PLXNA4: variants seen among roughly 807,000 people sequenced by gnomAD.
The protein encoded by PLXNA4 is plexin-A4.
In PLXNA4, 44 loss-of-function variants were observed where a neutral mutation model predicts 191.8. The ratio of observed to expected loss-of-function variants is 0.23; its 90% confidence interval spans 0.18 to 0.29. The LOEUF (loss-of-function observed/expected upper bound fraction) is 0.29, where lower values mean the gene tolerates loss of function less well. Ranked by LOEUF, PLXNA4 falls within the 10% of genes least tolerant of loss-of-function variation. The pLI is 1.00. For synonymous variants in PLXNA4, 1,082 were observed against 1,009.5 expected, an observed-to-expected ratio of 1.07 and a Z score of -1.36; for missense variants, 1,800 against 2,488.8, an observed-to-expected ratio of 0.72 and a Z score of 5.89.
intron 2 of PLXNA4, among the ~76,000 whole-genome samples, chr7:132,599,976 T>G (rs1488773566): frequency 6.6e-6 from 1 of 152,212 alleles, no homozygotes. Context: ...TACGATAAGT[T>G]ATGTTAATAG....
chr7:132,156,015 T>C (rs1795780224), intron 25 of PLXNA4, among the ~76,000 whole-genome samples: 1 of 152,088 alleles, frequency 6.6e-6, no homozygotes. Context: ...AACTGCAATG[T>C]TGCCTCCTCC....
At chr7:132,177,432 C>G (rs956790057) in intron 20 of PLXNA4, among the ~76,000 whole-genome samples, 1 of 152,232 alleles carries the variant, frequency 6.6e-6, no homozygotes, top group Non-Finnish European at 1.5e-5. Flanking sequence ...CAGTGGCTGG[C>G]TCTGGGCAAG....
chr7:132,230,031 G>T (rs1227394278), intron 5 of PLXNA4, among the ~76,000 whole-genome samples: 1 of 152,180 alleles, frequency 6.6e-6, no homozygotes, highest in East Asian at 1.9e-4. Context: ...AGGAACACAG[G>T]GACAGAACAA....
intron 3 of PLXNA4, among the ~76,000 whole-genome samples, chr7:132,364,824 G>A (rs1022536746): frequency 4.6e-5 from 7 of 152,172 alleles, no homozygotes; most frequent in Non-Finnish European, 7.3e-5. Context: ...CTTCTAGTGT[G>A]TGAATTTAGG....
rs559992129 is a variant in PLXNA4 at position 132,321,334 on chromosome 7, G to T, written c.1372-23112C>A. Among the ~76,000 whole-genome samples, 15 of 151,574 alleles carry T rather than the reference G, an allele frequency of 9.9e-5. No individual in the cohort carries two copies. In the South Asian group the frequency reaches 3.1e-3, roughly 32 times the overall value. Reference sequence around the variant, plus strand: ...GATGTGTGTGAATGTAAGATCTACAGTTACCCTAGCGTGTCTGTGTTCTAG... The same window carrying T: ...GATGTGTGTGAATGTAAGATCTACATTTACCCTAGCGTGTCTGTGTTCTAG... On this transcript the variant is annotated intron_variant, in intron 3 of 31. Coordinates refer to ENST00000321063, the MANE Select transcript of PLXNA4 (RefSeq NM_020911.2).
intron 2 of PLXNA4, among the ~76,000 whole-genome samples, chr7:132,607,674 C>T (rs138688758): frequency 1.3e-5 from 2 of 152,312 alleles, no homozygotes; most frequent in East Asian, 3.9e-4. Context: ...AATCACTTTC[C>T]TCACGTTAAT....
At chr7:132,480,923 C>T (rs188757662) in intron 3 of PLXNA4, among the ~76,000 whole-genome samples, 7 of 152,132 alleles carry the variant, frequency 4.6e-5, no homozygotes, top group East Asian at 1.9e-4. Context: ...CTTGAGGACT[C>T]GAAATGTGAA....
chr7:132,389,171 T>G (rs1048947685), intron 3 of PLXNA4, among the ~76,000 whole-genome samples: 12 of 152,358 alleles, frequency 7.9e-5, no homozygotes, highest in African/African-American at 2.4e-4. Flanking sequence ...ACTAGCCCTT[T>G]GTCAGATGGA....
chr7:132,257,289 A>G (rs1440327908), intron 4 of PLXNA4, among the ~76,000 whole-genome samples: 1 of 152,220 alleles, frequency 6.6e-6, no homozygotes, highest in East Asian at 1.9e-4. Flanking sequence ...GTTGGCTTGG[A>G]GAATTTCCAT....
At chr7:132,436,843 CT>C (rs60633602) in intron 3 of PLXNA4, among the ~76,000 whole-genome samples, 14,526 of 152,238 alleles carry the variant, frequency 0.095, 1,729 homozygotes, top group African/African-American at 0.28. Flanking sequence ...GATGCGGTCC[CT>C]GTTGGTGGCT....
intron 2 of PLXNA4, among the ~76,000 whole-genome samples, chr7:132,623,342 A>G (rs1462815315): frequency 2.8e-5 from 4 of 142,978 alleles, no homozygotes; most frequent in Non-Finnish European, 4.6e-5. Context: ...GCAAAATTCC[A>G]TCTCAAAAAA....
intron 3 of PLXNA4, among the ~76,000 whole-genome samples, chr7:132,338,210 G>T (rs1802892148): frequency 6.6e-6 from 1 of 152,180 alleles, no homozygotes; most frequent in Admixed American, 6.5e-5. Context: ...CTTGTAAAAA[G>T]CACTGGATCA....
intron 4 of PLXNA4, among the ~76,000 whole-genome samples, chr7:132,290,497 T>C (rs898896946): frequency 6.6e-6 from 1 of 152,222 alleles, no homozygotes; most frequent in African/African-American, 2.4e-5. Context: ...TCCCATTGGC[T>C]TGGCAGGTTT....
At chr7:132,579,288 C>A (rs1802355409), upstream of PLXNA4, among the ~76,000 whole-genome samples, 1 of 152,074 alleles carries the variant, frequency 6.6e-6, no homozygotes, top group South Asian at 2.1e-4. Flanking sequence ...GTTGGCCACT[C>A]AGCTTTCAGG....
chr7:132,621,819 C>T (rs929373653), intron 2 of PLXNA4, among the ~76,000 whole-genome samples: 17 of 152,184 alleles, frequency 1.1e-4, no homozygotes, highest in African/African-American at 3.9e-4. Flanking sequence ...CATTTCAAAT[C>T]GAATTAGTGA....
At chr7:132,554,621 T>A (rs1447414378) in intron 1 of PLXNA4, among the ~76,000 whole-genome samples, 1 of 152,174 alleles carries the variant, frequency 6.6e-6, no homozygotes, top group African/African-American at 2.4e-5. Flanking sequence ...TCGAGCACGC[T>A]CTGAACCAGG....
chr7:132,250,702 G>C (rs555809707), intron 4 of PLXNA4, among the ~76,000 whole-genome samples: 5 of 152,194 alleles, frequency 3.3e-5, no homozygotes, highest in Admixed American at 1.3e-4. Flanking sequence ...CAAAGGAATG[G>C]GGGATGAGAG....
At chr7:132,134,612 C>G (rs1288899897) in intron 30 of PLXNA4, among the ~76,000 whole-genome samples, 2 of 152,198 alleles carry the variant, frequency 1.3e-5, no homozygotes, top group Non-Finnish European at 2.9e-5. Flanking sequence ...AGGGGACTCC[C>G]CTGGCCACAT....
At chr7:132,232,135 C>A (rs1798544141) in intron 5 of PLXNA4, among the ~76,000 whole-genome samples, 1 of 152,082 alleles carries the variant, frequency 6.6e-6, no homozygotes, top group East Asian at 1.9e-4. Context: ...GACTGCAATT[C>A]CCAACAGCCC....
Sources: gnomAD v4.1 joint callset for allele counts (sites outside exome capture counted in the v4.1 genomes callset) on GRCh38, gnomAD v4.1.1 for gene constraint, MANE v1.5 for transcripts, NCBI Gene and HGNC (gene_info 2026-07-23, HGNC 2026-07-21) for gene names.